The following ESRRG variants were observed in gnomAD, a reference collection of about 807,000 sequenced individuals.
ESRRG encodes estrogen related receptor gamma.
In ESRRG, 13 loss-of-function variants were observed where a neutral mutation model predicts 44.0. The ratio of observed to expected loss-of-function variants is 0.30; its 90% CI spans 0.19 to 0.47. ESRRG has a LOEUF of 0.47. Ranked by LOEUF, ESRRG falls within the 20% of genes least tolerant of loss-of-function variation. ESRRG has a pLI of 1.00. For synonymous variants in ESRRG, 215 were observed against 214.6 expected (o/e 1.00, Z -0.02); for missense variants, 395 against 580.6 (o/e 0.68, Z 3.29).
rs1396123433 is a variant in ESRRG at position 216,720,760 on chromosome 1, T to C, written c.56+2484A>G. On this transcript the variant is annotated intron_variant, in intron 1 of 6. Transcript: ENST00000408911. ...TGAAACATACAAAATAAAACTTGTGTAGCTCCAAACACGAATCTTAAAACA... is the reference window on the plus strand; with the variant it reads ...TGAAACATACAAAATAAAACTTGTGCAGCTCCAAACACGAATCTTAAAACA... 1.3e-4 allele frequency among the ~76,000 whole-genome samples: 20 copies of C among 152,152 alleles called. 1 individual carries two copies. Among genetic ancestry groups the C allele is most frequent in the Admixed American group, 1.3e-3 (20 of 15,266 alleles).
chr1:216,716,165 A>G lies in ESRRG; in HGVS notation c.56+7079T>C, dbSNP rs191277497. On this transcript the variant is annotated intron_variant, in intron 1 of 6. Coordinates refer to ENST00000408911, the MANE Select transcript of ESRRG (RefSeq NM_001438.4). ...CTTCAAGTTTTTATTTACTTCATAA[A>G]TAAGAGCCACTGAGGTTCACCACTT... 6.8e-3 allele frequency among the ~76,000 whole-genome samples: 1,031 copies of G among 152,182 alleles called. 11 individuals carry two copies. The highest frequency in any genetic ancestry group is 9.4e-3 in the Non-Finnish European group (636 of 67,938).
intron 3 of ESRRG, among the ~76,000 whole-genome samples, chr1:216,598,671 G>C (rs944124233): frequency 2.6e-5 from 4 of 152,128 alleles, no homozygotes; most frequent in African/African-American, 9.7e-5. Flanking sequence ...TGCTCTCACA[G>C]CAAGTCAGTG....
chr1:216,519,548 T>C (rs922990907), intron 5 of ESRRG, 127 bp from the exon 6 acceptor site: 1 of 913,698 alleles, frequency 1.1e-6, no homozygotes, highest in Non-Finnish European at 1.6e-6. Flanking sequence ...TTAGAAGCTC[T>C]TAAAATTTTC....
chr1:216,706,465 G>A (rs2082471841), intron 1 of ESRRG, among the ~76,000 whole-genome samples: 1 of 152,108 alleles, frequency 6.6e-6, no homozygotes, highest in South Asian at 2.1e-4. Flanking sequence ...CGTTGCAATA[G>A]TTCTTTGTCT....
At chr1:216,555,664 C>T (rs567841845) in intron 5 of ESRRG, among the ~76,000 whole-genome samples, 63 of 152,208 alleles carry the variant, frequency 4.1e-4, no homozygotes, top group African/African-American at 1.5e-3. Context: ...TCTCCAGCTG[C>T]CACACAATTT....
In ESRRG at chr1:217,064,213, G is replaced by A. The variant is rs180855143; in HGVS notation, c.-106+25294C>T. Among the ~76,000 whole-genome samples the A allele has an allele frequency of 5.7e-3, 862 of 151,274 alleles. 6 individuals are homozygous for A. The highest frequency in any genetic ancestry group is 0.02 in the African/African-American group (833 of 41,276). Reference sequence around the variant, plus strand: ...AGGTATATATTGTATGTGTATATATGTTGTATGTACATTACACACATATGT... The same window carrying A: ...AGGTATATATTGTATGTGTATATATATTGTATGTACATTACACACATATGT... On this transcript the variant is annotated intron_variant, in intron 1 of 7. Coordinates refer to the ESRRG transcript ENST00000359162.
rs115820059 is a variant in ESRRG, at chr1:216,992,059, T to C, written c.-105-52386A>G. Among the ~76,000 whole-genome samples, 492 of 152,280 alleles carry C rather than the reference T, an allele frequency of 3.2e-3. 2 individuals carry two copies. The highest frequency in any genetic ancestry group is 5.5e-3 in the Non-Finnish European group (375 of 68,024). On this transcript the variant is annotated intron_variant, in intron 1 of 7. Transcript: ENST00000359162. ...AGGGGGTTGCCAAGTTGATTTTGGA[T>C]TCCCATGCAGTCTGGATTTTTCAGA...
At chr1:216,851,550 G>A (rs1346621378) in intron 2 of ESRRG, among the ~76,000 whole-genome samples, 1 of 152,086 alleles carries the variant, frequency 6.6e-6, no homozygotes, top group Non-Finnish European at 1.5e-5. Context: ...TCTTTCCACT[G>A]TATGAGGATA....
At chr1:216,816,170 T>G (rs2095131210) in intron 2 of ESRRG, among the ~76,000 whole-genome samples, 2 of 152,166 alleles carry the variant, frequency 1.3e-5, no homozygotes, top group Non-Finnish European at 2.9e-5. Context: ...AGCAAAGGTT[T>G]AAAGGTCTTA....
chr1:216,541,652 G>A (rs2052820192), intron 5 of ESRRG, among the ~76,000 whole-genome samples: 2 of 150,516 alleles, frequency 1.3e-5, no homozygotes, highest in South Asian at 4.2e-4. Context: ...TAAGATGAGG[G>A]ACATATAAAG....
intron 2 of ESRRG, among the ~76,000 whole-genome samples, chr1:216,928,083 G>T (rs868157994): frequency 1.2e-4 from 18 of 152,226 alleles, no homozygotes; most frequent in Middle Eastern, 3.4e-3. Flanking sequence ...TGACCATGAG[G>T]GATTGGAACC....
intron 1 of ESRRG, among the ~76,000 whole-genome samples, chr1:216,975,478 G>A (rs2072683131): frequency 2.0e-5 from 3 of 152,198 alleles, no homozygotes; most frequent in South Asian, 4.1e-4. Flanking sequence ...CTTCTATCAT[G>A]ATGCAGTTGC....
At chr1:217,029,916 T>C (rs12076349) in intron 1 of ESRRG, among the ~76,000 whole-genome samples, 1,620 of 152,280 alleles carry the variant, frequency 0.011, 22 homozygotes, top group African/African-American at 0.036. Context: ...CTTTCTTCCA[T>C]TTGCTTTGAT....
At chr1:217,009,707 T>C (rs926132588) in intron 1 of ESRRG, among the ~76,000 whole-genome samples, 30 of 142,740 alleles carry the variant, frequency 2.1e-4, no homozygotes, top group African/African-American at 4.4e-4. Context: ...TTTTTCTTTT[T>C]TTTTTTTTTT....
At chr1:217,027,498 C>T (rs1431068968) in intron 1 of ESRRG, among the ~76,000 whole-genome samples, 2 of 152,126 alleles carry the variant, frequency 1.3e-5, no homozygotes, top group Admixed American at 1.3e-4. Context: ...TAATGTTGTA[C>T]ACTTAATTGC....
chr1:217,133,657 T>TCTCTCTC (rs1558298475), intron 1 of ESRRG, among the ~76,000 whole-genome samples: 44 of 59,080 alleles, frequency 7.4e-4, no homozygotes, highest in Non-Finnish European at 9.8e-4. Flanking sequence ...CTTTCTTTCT[T>TCTCTCTC]TCTTTCTTTC....
intron 2 of ESRRG, among the ~76,000 whole-genome samples, chr1:216,734,138 C>T (rs2152145167): frequency 6.6e-6 from 1 of 152,168 alleles, no homozygotes; most frequent in Non-Finnish European, 1.5e-5. Flanking sequence ...GGTAGATTGT[C>T]CTTATGTGTC....
At chr1:216,689,941 G>C (rs1054371625) in intron 1 of ESRRG, among the ~76,000 whole-genome samples, 23 of 151,994 alleles carry the variant, frequency 1.5e-4, no homozygotes, top group Admixed American at 9.2e-4. Context: ...ACACATAAGA[G>C]AGGCTAAAAT....
At chr1:216,760,890 T>C (rs2092731070) in intron 2 of ESRRG, among the ~76,000 whole-genome samples, 1 of 151,978 alleles carries the variant, frequency 6.6e-6, no homozygotes, top group Non-Finnish European at 1.5e-5. Context: ...AACATCCCAG[T>C]TGTAAGAATG....
Sources: gnomAD v4.1 joint callset for allele counts (sites outside exome capture counted in the v4.1 genomes callset) on GRCh38, gnomAD v4.1.1 for gene constraint, MANE v1.5 for transcripts, NCBI Gene and HGNC (gene_info 2026-07-23, HGNC 2026-07-21) for gene names.